MPP7: variants seen among roughly 807,000 people sequenced by gnomAD.
MPP7 encodes MAGUK p55 subfamily member 7.
A neutral mutation model predicts 76.5 loss-of-function variants in MPP7; 60 were observed. The observed-to-expected ratio is 0.78, with a 90% confidence interval of 0.64 to 0.97. MPP7 has a LOEUF of 0.97. MPP7 is among the 50% of genes least tolerant of loss of function. MPP7 has a pLI of 0.00. For synonymous variants in MPP7, 237 were observed against 244.5 expected (o/e 0.97, Z 0.29); for missense variants, 641 against 694.0 (o/e 0.92, Z 0.86).
At chr10:28,240,673 T>C (rs1212819758) in intron 1 of MPP7, among the ~76,000 whole-genome samples, 1 of 152,148 alleles carries the variant, frequency 6.6e-6, no homozygotes, top group African/African-American at 2.4e-5. Flanking sequence ...TCTAACAATT[T>C]TGAAAGCAAC....
chr10:28,289,922 A>G (rs1412844830), intron 1 of MPP7, among the ~76,000 whole-genome samples: 3 of 152,170 alleles, frequency 2.0e-5, no homozygotes, highest in Non-Finnish European at 4.4e-5. Flanking sequence ...TGGCTCAAGC[A>G]ATGCTCCCAT....
At chr10:28,149,610 A>G (rs1035584907) in intron 4 of MPP7, among the ~76,000 whole-genome samples, 33 of 152,146 alleles carry the variant, frequency 2.2e-4, no homozygotes, top group Non-Finnish European at 4.4e-5. Flanking sequence ...GTCATTTTTT[A>G]GTACTGTCAG....
intron 6 of MPP7, among the ~76,000 whole-genome samples, chr10:28,125,490 A>G (rs1834989222): frequency 6.6e-6 from 1 of 152,198 alleles, no homozygotes; most frequent in Non-Finnish European, 1.5e-5. Flanking sequence ...AATAGTGACA[A>G]TTACACTAAT....
At chr10:28,216,977 C>A (rs956023698) in intron 2 of MPP7, among the ~76,000 whole-genome samples, 1 of 151,728 alleles carries the variant, frequency 6.6e-6, no homozygotes, top group Non-Finnish European at 1.5e-5. Context: ...TACTCAAAGT[C>A]TTGATTTTGA....
chr10:28,063,352 C>G (rs1181386633), intron 13 of MPP7, among the ~76,000 whole-genome samples: 1 of 151,756 alleles, frequency 6.6e-6, no homozygotes, highest in Non-Finnish European at 1.5e-5. Context: ...ATCCCACCTA[C>G]TCGGGAGGCT....
In MPP7 at chr10:28,092,740, ATTTTTTT is replaced by A. The variant is rs536385197; in HGVS notation, c.953-2906_953-2900del. 4.5e-4 allele frequency among the ~76,000 whole-genome samples: 47 copies of A among 105,516 alleles called. No homozygotes were observed. The South Asian group carries it at 0.011, about 24-fold the overall frequency. The allele number at this position is 105,516 out of a possible 152,430, so 69.2% of individuals were successfully genotyped here. ...GGCATGTGCCACCACACCTGGCTCA[ATTTTTTT>A]TTTTTTTTTTTTTGAAGAGATAAGG... On this transcript the variant is annotated intron_variant, in intron 11 of 16. Transcript: ENST00000683449.
intron 1 of MPP7, among the ~76,000 whole-genome samples, chr10:28,298,006 A>G (rs945899599): frequency 6.6e-6 from 1 of 152,224 alleles, no homozygotes; most frequent in African/African-American, 2.4e-5. Context: ...CAATTCAGTC[A>G]TATTTTCAGG....
rs766903338 is a variant in MPP7 at position 28,262,185 on chromosome 10, TTATATATATATATATATA to T, written c.-131-23468_-131-23451del. Among the ~76,000 whole-genome samples, 307 of 60,178 alleles carry T rather than the reference TTATATATATATATATATA, an allele frequency of 5.1e-3. 13 individuals carry two copies. The highest frequency in any genetic ancestry group is 0.033 in the Middle Eastern group (3 of 90). 39.5% of individuals were successfully genotyped at this position (60,178 alleles called of 152,430 possible). A position where few individuals can be genotyped will look rare whatever the true frequency, so the allele number is the denominator to read the frequency against. ...AAAAGGAAATAAATAAATAAATAAA[TTATATATATATATATATA>T]TATACATATATATATATATATACAT... On this transcript the variant is annotated intron_variant, in intron 1 of 16. Transcript: ENST00000683449.
intron 2 of MPP7, among the ~76,000 whole-genome samples, chr10:28,326,367 A>G (rs1352676385): frequency 1.3e-5 from 2 of 151,858 alleles, no homozygotes; most frequent in Admixed American, 1.3e-4. Flanking sequence ...CCTCCTTGCT[A>G]CCAATTGTAA....
intron 11 of MPP7, among the ~76,000 whole-genome samples, chr10:28,102,647 T>C (rs1800401511): frequency 6.6e-6 from 1 of 152,190 alleles, no homozygotes; most frequent in Admixed American, 6.5e-5. Flanking sequence ...CCCATCTCAG[T>C]AAATAGTAAC....
chr10:28,111,246 TTAGCAAA>T (rs1321456433), intron 11 of MPP7, among the ~76,000 whole-genome samples: 18 of 152,166 alleles, frequency 1.2e-4, no homozygotes, highest in Non-Finnish European at 2.9e-5. Context: ...TTTCCTCATC[TTAGCAAA>T]GCCAAAGGAA....
chr10:28,292,451 GAA>G (rs59001457), intron 1 of MPP7, among the ~76,000 whole-genome samples: 11 of 142,708 alleles, frequency 7.7e-5, no homozygotes, highest in South Asian at 4.4e-4. Context: ...GATCATTACG[GAA>G]AAAAAAAAAA....
rs1261149338 is a variant in MPP7 at position 28,178,012 on chromosome 10, G to A, written c.156+24141C>T. 8.6e-5 allele frequency among the ~76,000 whole-genome samples: 13 copies of A among 152,026 alleles called. No homozygotes were observed. The South Asian group carries it at 1.9e-3, about 22-fold the overall frequency. On this transcript the variant is annotated intron_variant, in intron 3 of 16. Coordinates refer to ENST00000683449, the MANE Select transcript of MPP7 (RefSeq NM_001318170.2). ...TGGAGAAAAATGGCTCTTTATTCTGGGATTTGCAATCTCTCCTCCTGTAAC... is the reference window on the plus strand; with the variant it reads ...TGGAGAAAAATGGCTCTTTATTCTGAGATTTGCAATCTCTCCTCCTGTAAC...
chr10:28,173,676 G>C (rs73608054), intron 3 of MPP7, among the ~76,000 whole-genome samples: 3,110 of 152,146 alleles, frequency 0.02, 80 homozygotes, highest in African/African-American at 0.068. Context: ...ACAAAACAAA[G>C]ATAACCCGCA....
chr10:28,213,334 C>T (rs1261587077), intron 2 of MPP7, among the ~76,000 whole-genome samples: 3 of 152,072 alleles, frequency 2.0e-5, no homozygotes, highest in Non-Finnish European at 1.5e-5. Context: ...AGGGCAGCTC[C>T]TCTATGGTCC....
At chr10:28,243,304 T>C (rs1053451176) in intron 1 of MPP7, among the ~76,000 whole-genome samples, 1 of 152,144 alleles carries the variant, frequency 6.6e-6, no homozygotes, top group African/African-American at 2.4e-5. Context: ...AATACACGCA[T>C]GGTGGAACCA....
intron 11 of MPP7, 55 bp from the exon 12 acceptor site, chr10:28,089,896 TC>T (rs748725766): frequency 1.2e-6 from 1 of 812,234 alleles, no homozygotes; most frequent in South Asian, 2.2e-5. Flanking sequence ...AAAGAAACCC[TC>T]AAAAAAAAAA....
intron 1 of MPP7, among the ~76,000 whole-genome samples, chr10:28,251,548 C>G (rs11006950): frequency 0.12 from 17,609 of 152,124 alleles, 1,603 homozygotes; most frequent in East Asian, 0.48. Context: ...GGAATACACC[C>G]TAAGAAATAA....
intron 4 of MPP7, among the ~76,000 whole-genome samples, chr10:28,149,265 A>C (rs1031156232): frequency 1.3e-5 from 2 of 152,180 alleles, no homozygotes; most frequent in Non-Finnish European, 2.9e-5. Flanking sequence ...TTATCACTAA[A>C]ACCAGCCTTC....
Sources: gnomAD v4.1 joint callset for allele counts (sites outside exome capture counted in the v4.1 genomes callset) on GRCh38, gnomAD v4.1.1 for gene constraint, MANE v1.5 for transcripts, NCBI Gene and HGNC (gene_info 2026-07-23, HGNC 2026-07-21) for gene names.